Variants in SAMD3 observed in about 807,000 individuals in gnomAD.
SAMD3 encodes sterile alpha motif domain containing 3.
In SAMD3, 63 loss-of-function variants were observed where a neutral mutation model predicts 58.5. The ratio of observed to expected loss-of-function variants is 1.08; its 90% CI spans 0.88 to 1.33. The LOEUF (loss-of-function observed/expected upper bound fraction) is 1.33. Ranked by LOEUF, SAMD3 falls within the 40% of genes most tolerant of loss-of-function variation. SAMD3 has a pLI of 0.00. For synonymous variants in SAMD3, 220 were observed against 210.3 expected, an observed-to-expected ratio of 1.05 and a Z score of -0.40; for missense variants, 604 against 608.4, an observed-to-expected ratio of 0.99 and a Z score of 0.08.
intron 1 of SAMD3, among the ~76,000 whole-genome samples, chr6:130,363,570 T>C (rs1161495012): frequency 6.6e-6 from 1 of 152,174 alleles, no homozygotes; most frequent in Non-Finnish European, 1.5e-5. Flanking sequence ...GTATTGAGGA[T>C]CTGTGACTTG....
At chr6:130,337,912 T>C (rs1280298110) in intron 1 of SAMD3, among the ~76,000 whole-genome samples, 1 of 152,202 alleles carries the variant, frequency 6.6e-6, no homozygotes, top group Non-Finnish European at 1.5e-5. Flanking sequence ...AAAACCTCAT[T>C]TTCTGGGAAG....
At position 130,336,352 on chromosome 6, in the gene SAMD3, C is replaced by T. The variant is rs1409786708; in HGVS notation, c.-303-23259G>A. ...CAGAGCCAGGATTTGAATTCTGATA[C>T]GTGTGCATCTAAACACTATGTAATA... On this transcript the variant is annotated intron_variant, in intron 1 of 13. Transcript: ENST00000368134. Among the ~76,000 whole-genome samples, 6 of 152,088 alleles carry T rather than the reference C, an allele frequency of 3.9e-5. No individual in the cohort carries two copies. In the South Asian group the frequency reaches 1.0e-3, roughly 26 times the overall value.
chr6:130,147,653 C>A (rs574655221), intron 9 of SAMD3, among the ~76,000 whole-genome samples: 3 of 152,160 alleles, frequency 2.0e-5, no homozygotes, highest in African/African-American at 4.8e-5. Flanking sequence ...TGTGTATTTC[C>A]TAAGTACAAG....
chr6:130,343,988 T>A (rs1346206440), intron 1 of SAMD3, among the ~76,000 whole-genome samples: 7 of 141,688 alleles, frequency 4.9e-5, no homozygotes, highest in Non-Finnish European at 1.5e-5. Context: ...AAAAAAAGGG[T>A]CAAGGACACC....
intron 2 of SAMD3, among the ~76,000 whole-genome samples, chr6:130,302,765 A>G (rs1014118138): frequency 2.6e-5 from 4 of 152,206 alleles, no homozygotes; most frequent in African/African-American, 9.7e-5. Flanking sequence ...GAATGAAATA[A>G]TATTTTTTTG....
At chr6:130,361,593 A>G (rs1313486549) in intron 1 of SAMD3, among the ~76,000 whole-genome samples, 1 of 152,246 alleles carries the variant, frequency 6.6e-6, no homozygotes, top group African/African-American at 2.4e-5. Context: ...CAGATCTAAT[A>G]AAATTGTTAA....
intron 9 of SAMD3, among the ~76,000 whole-genome samples, chr6:130,153,825 C>T (rs892815385): frequency 6.6e-6 from 1 of 151,634 alleles, no homozygotes; most frequent in African/African-American, 2.4e-5. Flanking sequence ...TACAGGCACG[C>T]ACCACTAAGC....
chr6:130,345,784 C>T (rs1320616581), intron 1 of SAMD3, among the ~76,000 whole-genome samples: 1 of 152,160 alleles, frequency 6.6e-6, no homozygotes, highest in Non-Finnish European at 1.5e-5. Flanking sequence ...CCTGACTTCA[C>T]ATATGAATGT....
At chr6:130,248,179 C>CGT (rs71810571) in intron 2 of SAMD3, among the ~76,000 whole-genome samples, 6,454 of 146,320 alleles carry the variant, frequency 0.044, 157 homozygotes, top group Non-Finnish European at 0.05. Context: ...AAGTGTTTTG[C>CGT]GTGTGTGTGT....
At chr6:130,179,280 T>C (rs2114682547) in intron 7 of SAMD3, among the ~76,000 whole-genome samples, 1 of 152,354 alleles carries the variant, frequency 6.6e-6, no homozygotes, top group African/African-American at 2.4e-5. Flanking sequence ...CACCATGAGT[T>C]ACTTACGCAG....
chr6:130,161,693 A>T (rs920087967), intron 8 of SAMD3: 7 of 152,246 alleles, frequency 4.6e-5, no homozygotes, highest in African/African-American at 1.7e-4. Flanking sequence ...CACCTAGTCC[A>T]TGCCTCACAC....
intron 1 of SAMD3, among the ~76,000 whole-genome samples, chr6:130,340,402 G>C (rs748387450): frequency 1.4e-4 from 21 of 152,104 alleles, no homozygotes; most frequent in Non-Finnish European, 2.4e-4. Flanking sequence ...TGCCTCCCCA[G>C]CTCTTTTGCT....
At chr6:130,161,671 G>A (rs1183385285) in intron 8 of SAMD3, 1 of 152,202 alleles carries the variant, frequency 6.6e-6, no homozygotes, top group Non-Finnish European at 1.5e-5. Context: ...AAGCTGGAAA[G>A]AACTTAGAAA....
chr6:130,222,021 G>T (rs953525210), intron 1 of SAMD3, among the ~76,000 whole-genome samples: 1 of 152,082 alleles, frequency 6.6e-6, no homozygotes, highest in African/African-American at 2.4e-5. Flanking sequence ...ACTGCTAAGG[G>T]GAGTATAAAG....
chr6:130,339,775 C>T (rs1211017008), intron 1 of SAMD3, among the ~76,000 whole-genome samples: 3 of 152,260 alleles, frequency 2.0e-5, no homozygotes, highest in South Asian at 2.1e-4. Flanking sequence ...GCAAGAATTA[C>T]TTCACACTCT....
At chr6:130,250,074 A>G (rs1197306973) in intron 2 of SAMD3, among the ~76,000 whole-genome samples, 6 of 152,138 alleles carry the variant, frequency 3.9e-5, no homozygotes, top group Non-Finnish European at 5.9e-5. Context: ...GAGGCACAGG[A>G]GCCCCCAGAT....
chr6:130,184,426 G>A lies in SAMD3; in HGVS notation c.569+12C>T. On this transcript the variant is annotated intron_variant, in intron 6 of 11. Coordinates refer to ENST00000439090, the MANE Select transcript of SAMD3 (RefSeq NM_001017373.4). ...TTTCCCAAAGCAGCAAGCTTGTCCT[G>A]TTGTCACTCACAGTGAGCCTTCCAG... is the stretch of plus-strand genomic sequence containing the variant. The A allele has an allele frequency of 1.2e-6, 2 of 1,611,582 alleles. No homozygotes were observed. The highest frequency in any genetic ancestry group is 1.1e-5 in the South Asian group (1 of 90,692).
At chr6:130,258,129 T>C (rs1485704361) in intron 2 of SAMD3, among the ~76,000 whole-genome samples, 1 of 152,210 alleles carries the variant, frequency 6.6e-6, no homozygotes, top group Non-Finnish European at 1.5e-5. Context: ...TTGACTATTA[T>C]CAATAAGCTG....
intron 2 of SAMD3, among the ~76,000 whole-genome samples, chr6:130,235,440 T>C (rs1332847188): frequency 6.6e-6 from 1 of 152,256 alleles, no homozygotes; most frequent in East Asian, 1.9e-4. Flanking sequence ...TTTTCAATGA[T>C]GTAATTTTTC....
Sources: gnomAD v4.1 joint callset for allele counts (sites outside exome capture counted in the v4.1 genomes callset) on GRCh38, gnomAD v4.1.1 for gene constraint, MANE v1.5 for transcripts, NCBI Gene and HGNC (gene_info 2026-07-23, HGNC 2026-07-21) for gene names.